Variants in SKAP1 observed in about 807,000 individuals in gnomAD.
SKAP1 encodes the protein src kinase-associated phosphoprotein 1.
Under a neutral mutation model 58.5 loss-of-function variants are expected in SKAP1, and 44 were observed. The observed-to-expected ratio is 0.75, with a 90% CI of 0.59 to 0.97. The LOEUF (loss-of-function observed/expected upper bound fraction) is 0.97, where lower values mean the gene tolerates loss of function less well. Ranked by LOEUF, SKAP1 falls within the 50% of genes least tolerant of loss-of-function variation. SKAP1 has a pLI of 0.00. For missense variants in SKAP1, 390 were observed against 435.2 expected (o/e 0.90, Z 0.92); for synonymous variants, 127 against 149.7 (o/e 0.85, Z 1.11).
At chr17:48,380,835 T>A (rs1460624502) in intron 2 of SKAP1, among the ~76,000 whole-genome samples, 1 of 152,198 alleles carries the variant, frequency 6.6e-6, no homozygotes, top group Non-Finnish European at 1.5e-5. Flanking sequence ...ATCTATTAAA[T>A]CTTGTTAACA....
At chr17:48,310,059 T>A (rs1168679026) in intron 4 of SKAP1, among the ~76,000 whole-genome samples, 2 of 152,212 alleles carry the variant, frequency 1.3e-5, no homozygotes, top group Non-Finnish European at 2.9e-5. Context: ...TATGGTTGCA[T>A]TACCAAAAGC....
chr17:48,257,628 CTTTTTTTTTTTTTTT>C (rs56225931), intron 4 of SKAP1, among the ~76,000 whole-genome samples: 2 of 111,150 alleles, frequency 1.8e-5, no homozygotes, highest in African/African-American at 6.5e-5. Flanking sequence ...TTCTTTCTTT[CTTTTTTTTTTTTTTT>C]TTTTTGGTTA....
chr17:48,177,766 A>C (rs1168681236), intron 9 of SKAP1, among the ~76,000 whole-genome samples: 3 of 152,200 alleles, frequency 2.0e-5, no homozygotes, highest in African/African-American at 4.8e-5. Flanking sequence ...TCATATCATA[A>C]TTAAATGCCA....
intron 4 of SKAP1, among the ~76,000 whole-genome samples, chr17:48,293,345 G>A (rs182234717): frequency 6.6e-6 from 1 of 152,252 alleles, no homozygotes; most frequent in Admixed American, 6.5e-5. Flanking sequence ...TATGTGTGGT[G>A]AGCAATTATC....
chr17:48,147,942 G>A (rs1039045072), intron 11 of SKAP1, among the ~76,000 whole-genome samples: 2 of 143,492 alleles, frequency 1.4e-5, no homozygotes, highest in African/African-American at 2.5e-5. Context: ...GGGGACATGG[G>A]AAGGCTGGGT....
upstream of SKAP1, among the ~76,000 whole-genome samples, chr17:48,431,039 T>G (rs1281520790): frequency 2.0e-5 from 3 of 152,226 alleles, no homozygotes. Flanking sequence ...TGAAACTCTC[T>G]GTGAATCTAT....
intron 11 of SKAP1, among the ~76,000 whole-genome samples, chr17:48,138,885 GAA>G (rs202040425): frequency 1.9e-3 from 258 of 135,786 alleles, no homozygotes; most frequent in African/African-American, 4.9e-3. Flanking sequence ...AAATTAGAAT[GAA>G]AAAAAAATTT....
At chr17:48,376,320 C>T (rs147429855) in intron 2 of SKAP1, among the ~76,000 whole-genome samples, 1 of 152,176 alleles carries the variant, frequency 6.6e-6, no homozygotes, top group African/African-American at 2.4e-5. Context: ...CGGATGAGAA[C>T]AATGAAGCAT....
At chr17:48,308,564 T>A (rs968772939) in intron 4 of SKAP1, 3 of 152,212 alleles carry the variant, frequency 2.0e-5, no homozygotes, top group Admixed American at 6.5e-5. Context: ...AGCAAACATG[T>A]TGCATATTTC....
intron 4 of SKAP1, among the ~76,000 whole-genome samples, chr17:48,271,892 A>C (rs2065637663): frequency 1.3e-5 from 2 of 152,092 alleles, no homozygotes; most frequent in African/African-American, 2.4e-5. Flanking sequence ...ATCTATTGCT[A>C]CTTTATCAAT....
At chr17:48,278,455 T>C (rs533321023) in intron 4 of SKAP1, among the ~76,000 whole-genome samples, 95 of 152,318 alleles carry the variant, frequency 6.2e-4, no homozygotes, top group Middle Eastern at 3.4e-3. Flanking sequence ...ATAATTCTAG[T>C]ACAACAACAG....
At chr17:48,382,181 TAAA>T (rs11285092) in intron 2 of SKAP1, among the ~76,000 whole-genome samples, 1 of 137,536 alleles carries the variant, frequency 7.3e-6, no homozygotes. Flanking sequence ...CTATTATTCT[TAAA>T]AAAAAAAAAA....
At chr17:48,438,354 A>C in the SKAP1 span, among the ~76,000 whole-genome samples, 40 of 152,212 alleles carry the variant, frequency 2.6e-4, no homozygotes, top group African/African-American at 9.7e-4. Flanking sequence ...AAAAACTAGC[A>C]CCTGTCAGAT....
intron 1 of SKAP1, among the ~76,000 whole-genome samples, chr17:48,406,279 C>CA (rs201309622): frequency 0.14 from 20,561 of 146,956 alleles, 1,738 homozygotes; most frequent in Non-Finnish European, 0.19. Flanking sequence ...AACAAACAAA[C>CA]AAAAAAACAA....
At chr17:48,220,458 T>C (rs905891322) in intron 4 of SKAP1, among the ~76,000 whole-genome samples, 2 of 152,150 alleles carry the variant, frequency 1.3e-5, no homozygotes, top group Admixed American at 1.3e-4. Context: ...AAAGTATATA[T>C]AGTATGAATC....
intron 10 of SKAP1, among the ~76,000 whole-genome samples, chr17:48,168,550 G>A (rs563658340): frequency 1.3e-4 from 20 of 152,280 alleles, no homozygotes; most frequent in African/African-American, 3.4e-4. Flanking sequence ...CCAGCTACTC[G>A]GGAAGCTGAG....
At chr17:48,160,115 T>A (rs2064046494) in intron 11 of SKAP1, among the ~76,000 whole-genome samples, 1 of 152,112 alleles carries the variant, frequency 6.6e-6, no homozygotes, top group Non-Finnish European at 1.5e-5. Flanking sequence ...CCTGATATAT[T>A]TGCTTTCTTT....
At chr17:48,180,408 G>T (rs2064352989) in intron 8 of SKAP1, among the ~76,000 whole-genome samples, 160 bp from the exon 9 acceptor site, 1 of 152,208 alleles carries the variant, frequency 6.6e-6, no homozygotes. Context: ...GGCTTTGGTG[G>T]CAGGAAATCT....
At chr17:48,338,568 G>A (rs1465141640) in intron 4 of SKAP1, among the ~76,000 whole-genome samples, 1 of 152,134 alleles carries the variant, frequency 6.6e-6, no homozygotes, top group African/African-American at 2.4e-5. Flanking sequence ...TAACCCAAAT[G>A]TATGGGTTAA....
Sources: gnomAD v4.1 joint callset for allele counts (sites outside exome capture counted in the v4.1 genomes callset) on GRCh38, gnomAD v4.1.1 for gene constraint, MANE v1.5 for transcripts, NCBI Gene and HGNC (gene_info 2026-07-23, HGNC 2026-07-21) for gene names.